The following TMEM74 variants were observed in gnomAD, a reference collection of about 807,000 sequenced individuals.
TMEM74 encodes the protein transmembrane protein 74.
TMEM74 carries 13 observed loss-of-function variants against 18.1 expected under a neutral mutation model. The ratio of observed to expected loss-of-function variants is 0.72; its 90% CI spans 0.47 to 1.14. The LOEUF (loss-of-function observed/expected upper bound fraction) is 1.14, where lower values mean the gene tolerates loss of function less well. TMEM74 is among the 50% of genes most tolerant of loss of function. TMEM74 has a pLI of 0.00. For synonymous variants in TMEM74, 159 were observed against 146.6 expected (o/e 1.08, Z -0.61); for missense variants, 372 against 375.9 (o/e 0.99, Z 0.09).
At chr8:108,720,728 C>CTATTTATTTATTTATT (rs3049754) in intron 1 of TMEM74, among the ~76,000 whole-genome samples, 10 of 149,458 alleles carry the variant, frequency 6.7e-5, no homozygotes, top group Non-Finnish European at 1.2e-4. Flanking sequence ...TAAGATATAA[C>CTATTTATTTATTTATT]TATTTATTTA....
intron 2 of TMEM74, among the ~76,000 whole-genome samples, chr8:108,611,785 T>C (rs928499800): frequency 1.3e-5 from 2 of 152,200 alleles, no homozygotes; most frequent in African/African-American, 4.8e-5. Flanking sequence ...CAAATACTTG[T>C]TCATGACTTA....
At chr8:108,651,504 T>G (rs1812774002) in intron 2 of TMEM74, among the ~76,000 whole-genome samples, 1 of 152,156 alleles carries the variant, frequency 6.6e-6, no homozygotes, top group African/African-American at 2.4e-5. Flanking sequence ...AAACACAAGA[T>G]GGAATGAATG....
At chr8:108,620,491 C>T (rs1251836042) in intron 2 of TMEM74, among the ~76,000 whole-genome samples, 1 of 152,046 alleles carries the variant, frequency 6.6e-6, no homozygotes, top group Non-Finnish European at 1.5e-5. Context: ...TCATTTAAGC[C>T]TTTAACAATT....
At chr8:108,755,580 C>T (rs914390018) in intron 1 of TMEM74, among the ~76,000 whole-genome samples, 5 of 152,166 alleles carry the variant, frequency 3.3e-5, no homozygotes, top group Admixed American at 2.0e-4. Flanking sequence ...TCTCCAGGAC[C>T]TAAGTCTGAG....
At chr8:108,631,899 C>T (rs1812556548) in intron 2 of TMEM74, among the ~76,000 whole-genome samples, 1 of 151,702 alleles carries the variant, frequency 6.6e-6, no homozygotes, top group Non-Finnish European at 1.5e-5. Context: ...TAATTAATAA[C>T]ATATCCATTC....
intron 1 of TMEM74, among the ~76,000 whole-genome samples, chr8:108,666,363 A>G (rs1044340896): frequency 1.3e-5 from 2 of 152,198 alleles, no homozygotes; most frequent in Admixed American, 1.3e-4. Context: ...ACGTGTTGGC[A>G]ATAATTCCTA....
chr8:108,773,997 ACT>A (rs1814201312), downstream of TMEM74, among the ~76,000 whole-genome samples: 1 of 152,214 alleles, frequency 6.6e-6, no homozygotes, highest in African/African-American at 2.4e-5. Context: ...GCCATATATG[ACT>A]TATACACGAA....
intron 1 of TMEM74, among the ~76,000 whole-genome samples, chr8:108,657,963 G>A (rs1235560684): frequency 2.8e-5 from 4 of 142,968 alleles, no homozygotes; most frequent in African/African-American, 1.1e-4. Flanking sequence ...GTGGAAGTCA[G>A]CATAAATTAA....
At chr8:108,611,986 G>A (rs1453540272) in intron 2 of TMEM74, among the ~76,000 whole-genome samples, 1 of 152,144 alleles carries the variant, frequency 6.6e-6, no homozygotes, top group Non-Finnish European at 1.5e-5. Flanking sequence ...CGGTAGGAGA[G>A]AAAAGTGCCG....
chr8:108,690,544 G>A (rs1054896839), intron 1 of TMEM74, among the ~76,000 whole-genome samples: 12 of 151,792 alleles, frequency 7.9e-5, no homozygotes, highest in African/African-American at 2.9e-4. Flanking sequence ...GAAAGTGAGC[G>A]GTGGCTCAAG....
intron 1 of TMEM74, among the ~76,000 whole-genome samples, chr8:108,709,015 TA>T (rs1051637860): frequency 6.6e-6 from 1 of 151,876 alleles, no homozygotes; most frequent in African/African-American, 2.4e-5. Context: ...ATGGCTACTA[TA>T]AAAAAACATA....
At chr8:108,747,535 TTCTCTCTC>T (rs368524691) in intron 1 of TMEM74, among the ~76,000 whole-genome samples, 8 of 149,956 alleles carry the variant, frequency 5.3e-5, no homozygotes, top group African/African-American at 9.8e-5. Flanking sequence ...AGAAGCACAC[TTCTCTCTC>T]TCTCTCTCTC....
chr8:108,657,875 T>TATATATATTAATTAC (rs1812857037), intron 1 of TMEM74, among the ~76,000 whole-genome samples: 3 of 55,572 alleles, frequency 5.4e-5, no homozygotes, highest in South Asian at 7.2e-4. Flanking sequence ...TATATATATA[T>TATATATATTAATTAC]ATATATATAT....
chr8:108,685,551 T>C (rs973989994), intron 1 of TMEM74, among the ~76,000 whole-genome samples: 5 of 152,088 alleles, frequency 3.3e-5, no homozygotes, highest in Non-Finnish European at 4.4e-5. Flanking sequence ...ACTTAGCAAA[T>C]AGCAAACATA....
chr8:108,700,248 G>A (rs1319737618), intron 1 of TMEM74, among the ~76,000 whole-genome samples: 1 of 151,736 alleles, frequency 6.6e-6, no homozygotes, highest in African/African-American at 2.4e-5. Context: ...ACTCAGTGGG[G>A]GGATGTTAGC....
chr8:108,754,939 G>A (rs1813942305), intron 1 of TMEM74, among the ~76,000 whole-genome samples: 1 of 151,858 alleles, frequency 6.6e-6, no homozygotes, highest in Admixed American at 6.6e-5. Flanking sequence ...TTCTATTCAG[G>A]CCCGCAATGA....
chr8:108,632,120 A>G (rs373370407), intron 2 of TMEM74, among the ~76,000 whole-genome samples: 1 of 152,112 alleles, frequency 6.6e-6, no homozygotes, highest in South Asian at 2.1e-4. Context: ...AATGCACAGG[A>G]AGGACGTTAT....
intron 1 of TMEM74, among the ~76,000 whole-genome samples, chr8:108,762,331 C>T (rs1005366639): frequency 6.6e-6 from 1 of 152,094 alleles, no homozygotes; most frequent in Non-Finnish European, 1.5e-5. Flanking sequence ...TTATTTCATG[C>T]CTTCTCTTAA....
chr8:108,758,071 T>C (rs1813998921), intron 1 of TMEM74, among the ~76,000 whole-genome samples: 1 of 152,056 alleles, frequency 6.6e-6, no homozygotes, highest in Non-Finnish European at 1.5e-5. Flanking sequence ...GGCTCTATCG[T>C]TTAATGAATT....
Sources: gnomAD v4.1 joint callset for allele counts (sites outside exome capture counted in the v4.1 genomes callset) on GRCh38, gnomAD v4.1.1 for gene constraint, MANE v1.5 for transcripts, NCBI Gene and HGNC (gene_info 2026-07-23, HGNC 2026-07-21) for gene names.